Variants in GALNT13 observed in about 807,000 individuals in gnomAD.
GALNT13 encodes the protein polypeptide N-acetylgalactosaminyltransferase 13, also known as UDP-GalNAc:polypeptide N-acetylgalactosaminyltransferase 13.
A neutral mutation model predicts 64.2 loss-of-function variants in GALNT13; 28 were observed. The ratio of observed to expected loss-of-function variants is 0.44; its 90% CI spans 0.32 to 0.60. The LOEUF (loss-of-function observed/expected upper bound fraction) is 0.60. GALNT13 is among the 20% of genes least tolerant of loss of function. The probability of loss-of-function intolerance (pLI) is 0.05; values close to 1 mark genes in which losing one functional copy is unlikely to be tolerated. For synonymous variants in GALNT13, 214 were observed against 224.6 expected (o/e 0.95, Z 0.42); for missense variants, 577 against 669.8 (o/e 0.86, Z 1.53).
At chr2:153,288,566 C>G in the GALNT13 span, among the ~76,000 whole-genome samples, 80 of 152,300 alleles carry the variant, frequency 5.3e-4, no homozygotes, top group African/African-American at 1.8e-3. Flanking sequence ...CTGTTAGTCA[C>G]TTAGTAGCCA....
intron 4 of GALNT13, among the ~76,000 whole-genome samples, chr2:154,162,071 G>A (rs1303633889): frequency 2.0e-5 from 3 of 152,092 alleles, no homozygotes; most frequent in East Asian, 1.9e-4. Flanking sequence ...TTGAGCCACC[G>A]TGCCAGGCAC....
intron 8 of GALNT13, among the ~76,000 whole-genome samples, chr2:154,280,029 A>G (rs952915118): frequency 7.9e-5 from 12 of 152,180 alleles, no homozygotes; most frequent in African/African-American, 2.7e-4. Flanking sequence ...CCCTAGGGAA[A>G]GTACTTATTT....
At chr2:153,112,051 C>T in the GALNT13 span, among the ~76,000 whole-genome samples, 2 of 152,120 alleles carry the variant, frequency 1.3e-5, no homozygotes, top group Non-Finnish European at 2.9e-5. Flanking sequence ...CAAGTGACTG[C>T]CTGGATTACA....
chr2:154,286,952 C>A, intron 8 of GALNT13: 1 of 537,088 alleles, frequency 1.9e-6, no homozygotes, highest in South Asian at 1.9e-5. Flanking sequence ...GTGCTGCCAT[C>A]CATCACTACC....
chr2:153,367,166 T>G, the GALNT13 span, among the ~76,000 whole-genome samples: 1 of 152,234 alleles, frequency 6.6e-6, no homozygotes, highest in Middle Eastern at 3.4e-3. Flanking sequence ...AAAATAAAAT[T>G]AGTTTATCTT....
chr2:153,637,735 T>C, the GALNT13 span, among the ~76,000 whole-genome samples: 1 of 152,166 alleles, frequency 6.6e-6, no homozygotes, highest in Non-Finnish European at 1.5e-5. Flanking sequence ...ATAATCTGTG[T>C]ATGTGTGGAG....
chr2:153,190,767 A>G, the GALNT13 span, among the ~76,000 whole-genome samples: 14 of 151,890 alleles, frequency 9.2e-5, no homozygotes, highest in African/African-American at 2.9e-4. Context: ...TTAGTGTTTT[A>G]TAGGTTTTGT....
At chr2:154,370,804 G>A (rs1247928878) in intron 9 of GALNT13, among the ~76,000 whole-genome samples, 1 of 152,116 alleles carries the variant, frequency 6.6e-6, no homozygotes, top group Non-Finnish European at 1.5e-5. Flanking sequence ...GTAACAATTT[G>A]AAAATTATAG....
chr2:154,243,763 A>T (rs1390740443), intron 6 of GALNT13, among the ~76,000 whole-genome samples: 4 of 152,142 alleles, frequency 2.6e-5, no homozygotes, highest in Admixed American at 6.5e-5. Flanking sequence ...ATAACACCAT[A>T]CTTGCATAGT....
the GALNT13 span, among the ~76,000 whole-genome samples, chr2:153,321,989 T>TGTGTGTGTGTGC: frequency 6.6e-6 from 1 of 151,850 alleles, no homozygotes; most frequent in African/African-American, 2.4e-5. Flanking sequence ...TGTGTGTGTG[T>TGTGTGTGTGTGC]GTGTGTGTGT....
At chr2:153,616,355 A>G in the GALNT13 span, among the ~76,000 whole-genome samples, 294 of 151,956 alleles carry the variant, frequency 1.9e-3, no homozygotes, top group Middle Eastern at 6.8e-3. Flanking sequence ...TTGAAGTCAG[A>G]TAATGTGGTT....
intron 9 of GALNT13, among the ~76,000 whole-genome samples, chr2:154,389,957 A>T (rs568400742): frequency 4.3e-4 from 66 of 152,250 alleles, no homozygotes; most frequent in Non-Finnish European, 7.5e-4. Flanking sequence ...TGATCTGGTA[A>T]GTTTCAGTTC....
intron 10 of GALNT13, among the ~76,000 whole-genome samples, chr2:154,401,298 G>A (rs984864400): frequency 6.6e-6 from 1 of 152,078 alleles, no homozygotes; most frequent in South Asian, 2.1e-4. Flanking sequence ...ACGCTTAAAA[G>A]TTTACCCTTT....
At chr2:153,836,585 G>A in the GALNT13 span, among the ~76,000 whole-genome samples, 1 of 151,176 alleles carries the variant, frequency 6.6e-6, no homozygotes, top group Admixed American at 6.6e-5. Context: ...GTATACATGT[G>A]CCATGCTGGT....
the GALNT13 span, among the ~76,000 whole-genome samples, chr2:153,075,794 A>G: frequency 6.6e-6 from 1 of 152,128 alleles, no homozygotes; most frequent in Admixed American, 6.6e-5. Flanking sequence ...TTTGCAGTCT[A>G]TCCTTCCATT....
chr2:154,189,073 G>A (rs528707727), intron 4 of GALNT13, among the ~76,000 whole-genome samples: 8 of 152,086 alleles, frequency 5.3e-5, no homozygotes, highest in Non-Finnish European at 5.9e-5. Flanking sequence ...TAAGGAAAAC[G>A]TTTGGAACTA....
At chr2:153,298,378 C>T in the GALNT13 span, among the ~76,000 whole-genome samples, 147 of 152,270 alleles carry the variant, frequency 9.7e-4, no homozygotes, top group African/African-American at 3.4e-3. Flanking sequence ...CCTGCTCAAA[C>T]CATCTGTCAT....
At chr2:153,879,463 G>T (rs1330045612) in intron 1 of GALNT13, among the ~76,000 whole-genome samples, 1 of 151,864 alleles carries the variant, frequency 6.6e-6, no homozygotes, top group East Asian at 1.9e-4. Context: ...GTTCACTGTA[G>T]CCTTAAACCC....
rs796304067 is a variant in GALNT13, at chr2:153,963,989, C to G, written c.142+19350C>G. Among the ~76,000 whole-genome samples, 14 of 152,064 alleles carry G rather than the reference C, an allele frequency of 9.2e-5. 1 individual carries two copies. The highest frequency in any genetic ancestry group is 3.4e-4 in the African/African-American group (14 of 41,472). The stretch of plus-strand genomic sequence containing the variant: ...TTCCAATGCCAAGGCCATGAAAATT[C>G]TTTCTGGAAGATTTATGGTTTTAGA... On this transcript the variant is annotated intron_variant, in intron 3 of 12. Coordinates refer to ENST00000392825, the MANE Select transcript of GALNT13 (RefSeq NM_052917.4).
Sources: gnomAD v4.1 joint callset for allele counts (sites outside exome capture counted in the v4.1 genomes callset) on GRCh38, gnomAD v4.1.1 for gene constraint, MANE v1.5 for transcripts, NCBI Gene and HGNC (gene_info 2026-07-23, HGNC 2026-07-21) for gene names.